Variants in DNAH7 observed in about 807,000 individuals in gnomAD.
The protein encoded by DNAH7 is axonemal beta dynein heavy chain 7.
Under a neutral mutation model 444.6 loss-of-function variants are expected in DNAH7, and 397 were observed. That is an observed-to-expected ratio of 0.89 (90% CI 0.82 to 0.97). The LOEUF is 0.97. DNAH7 is among the 50% of genes least tolerant of loss of function. The pLI, the probability that DNAH7 is intolerant of heterozygous loss-of-function variation, is 0.00. For synonymous variants in DNAH7, 1,636 were observed against 1,624.4 expected (o/e 1.01, Z -0.17); for missense variants, 4,902 against 4,800.8 (o/e 1.02, Z -0.62).
At chr2:195,987,619 G>T (rs1693009474) in intron 13 of DNAH7, among the ~76,000 whole-genome samples, 1 of 152,066 alleles carries the variant, frequency 6.6e-6, no homozygotes, top group African/African-American at 2.4e-5. Flanking sequence ...ATATTTTGGT[G>T]TAATTACCAT....
At chr2:195,767,426 C>CACCAG (rs1481686946) in intron 61 of DNAH7, among the ~76,000 whole-genome samples, 2 of 152,018 alleles carry the variant, frequency 1.3e-5, no homozygotes, top group African/African-American at 2.4e-5. Context: ...GTTCCATATA[C>CACCAG]ACCAGTTAGC....
At chr2:195,754,264 G>C in intron 63 of DNAH7, 73 bp downstream of exon 63, 2 of 1,424,394 alleles carry the variant, frequency 1.4e-6, no homozygotes, top group Non-Finnish European at 1.9e-6. Flanking sequence ...AACAGCTGAG[G>C]AAAGTATGCT....
intron 36 of DNAH7, among the ~76,000 whole-genome samples, chr2:195,877,807 TTTAAAA>T (rs1050096523): frequency 6.6e-6 from 1 of 152,202 alleles, no homozygotes; most frequent in Non-Finnish European, 1.5e-5. Flanking sequence ...CCTTTTTAAA[TTTAAAA>T]TTATTTTCCT....
intron 36 of DNAH7, among the ~76,000 whole-genome samples, chr2:195,880,330 C>CTTTTT (rs1042876508): frequency 4.4e-5 from 6 of 136,682 alleles, no homozygotes; most frequent in African/African-American, 1.6e-4. Context: ...CTTTCTTTTT[C>CTTTTT]TTTTTTTTTT....
At chr2:195,966,312 A>G (rs1691473382) in intron 17 of DNAH7, among the ~76,000 whole-genome samples, 3 of 152,158 alleles carry the variant, frequency 2.0e-5, no homozygotes, top group Admixed American at 6.5e-5. Flanking sequence ...GTCAGAGAAG[A>G]TGCTTGATAT....
chr2:195,894,600 T>TGTA (rs1702199015), intron 30 of DNAH7: 1 of 163,398 alleles, frequency 6.1e-6, no homozygotes, highest in Admixed American at 6.0e-5. Context: ...CACATTTCAG[T>TGTA]TCAATACCAC....
intron 15 of DNAH7, among the ~76,000 whole-genome samples, chr2:195,973,023 CG>C (rs1383789931): frequency 2.0e-5 from 3 of 152,120 alleles, no homozygotes; most frequent in Non-Finnish European, 2.9e-5. Flanking sequence ...GGGTAGTTCC[CG>C]TATCTTGGAG....
chr2:196,062,057 C>T (rs1698162170), intron 1 of DNAH7, among the ~76,000 whole-genome samples: 1 of 152,172 alleles, frequency 6.6e-6, no homozygotes, highest in African/African-American at 2.4e-5. Context: ...ACTTTCATGG[C>T]AACCCCTCTA....
chr2:196,019,401 T>C, intron 8 of DNAH7, 106 bp from the exon 9 acceptor site: 1 of 828,250 alleles, frequency 1.2e-6, no homozygotes, highest in South Asian at 4.9e-5. Context: ...ATGTGCTGTA[T>C]CCCTCATCAT....
At chr2:196,040,819 A>G (rs1311849523) in intron 5 of DNAH7, among the ~76,000 whole-genome samples, 3 of 152,076 alleles carry the variant, frequency 2.0e-5, no homozygotes, top group Admixed American at 2.0e-4. Context: ...TTAGAAAGAA[A>G]AAAAAGGACT....
intron 2 of DNAH7, among the ~76,000 whole-genome samples, chr2:196,056,048 G>GA (rs1697781513): frequency 3.3e-5 from 5 of 152,202 alleles, no homozygotes; most frequent in Admixed American, 3.3e-4. Context: ...ACATATGTCA[G>GA]AAAAATCATC....
intron 12 of DNAH7, among the ~76,000 whole-genome samples, chr2:195,998,407 C>T (rs898237383): frequency 6.6e-6 from 1 of 151,992 alleles, no homozygotes; most frequent in Non-Finnish European, 1.5e-5. Context: ...AACCCCATCT[C>T]TACTAAAAAT....
rs759392122 is a variant in DNAH7 at position 195,858,816 on chromosome 2, T to C, written c.7737-12A>G. On this transcript the variant is annotated splice_polypyrimidine_tract_variant and intron_variant, in intron 42 of 64. Coordinates refer to ENST00000312428, the MANE Select transcript of DNAH7 (RefSeq NM_018897.3). ...TTTTCATTACTTCACTGGAAGGAAA[T>C]AGATAAAACAAAGTTAATCATGAGG... is the stretch of plus-strand genomic sequence containing the variant. 16 of 1,585,904 alleles carry C rather than the reference T, an allele frequency of 1.0e-5. No individual in the cohort carries two copies. The highest frequency in any genetic ancestry group is 5.4e-5 in the Admixed American group (3 of 55,436).
chr2:195,906,759 ATCAGTAT>A lies in DNAH7; in HGVS notation c.4228_4234del (p.Ile1410CysfsTer7). 1 of 1,613,496 alleles carries A rather than the reference ATCAGTAT, an allele frequency of 6.2e-7. No homozygotes were observed. The highest frequency in any genetic ancestry group is 2.2e-5 in the East Asian group (1 of 44,872). On this transcript the variant is annotated frameshift_variant, in exon 27 of 65. Transcript: ENST00000312428. LOFTEE classifies it high-confidence loss of function. ...AAGTTTTAGTTCAGTTCCTTCAAAC[ATCAGTAT>A]ATCAGCACCTGCATTAATACCTGTA...
chr2:195,994,587 TC>T (rs1268626459), intron 12 of DNAH7: 16 of 490,698 alleles, frequency 3.3e-5, no homozygotes, highest in African/African-American at 3.2e-4. Flanking sequence ...TTCCATCTCT[TC>T]CGGACAGGAG....
chr2:196,028,083 T>A (rs375307387), intron 5 of DNAH7, 36 bp from the exon 6 acceptor site: 11 of 1,551,988 alleles, frequency 7.1e-6, no homozygotes, highest in African/African-American at 2.7e-5. Context: ...CAAAAGTAGA[T>A]AAGGGGCAGT....
chr2:195,973,771 C>A (rs1476595401), intron 15 of DNAH7, among the ~76,000 whole-genome samples: 1 of 151,994 alleles, frequency 6.6e-6, no homozygotes, highest in Non-Finnish European at 1.5e-5. Context: ...CGCGGCTGAC[C>A]CTTCCTTTGT....
At chr2:195,882,697 C>T (rs1701458894) in intron 35 of DNAH7, among the ~76,000 whole-genome samples, 1 of 152,230 alleles carries the variant, frequency 6.6e-6, no homozygotes, top group African/African-American at 2.4e-5. Flanking sequence ...TCAACAACAT[C>T]ATGATAACTC....
intron 58 of DNAH7, among the ~76,000 whole-genome samples, chr2:195,786,320 T>A (rs1323215206): frequency 6.6e-6 from 1 of 152,198 alleles, no homozygotes; most frequent in Non-Finnish European, 1.5e-5. Context: ...ACTTAGAGGA[T>A]TAACTTTCAG....
Sources: gnomAD v4.1 joint callset for allele counts (sites outside exome capture counted in the v4.1 genomes callset) on GRCh38, gnomAD v4.1.1 for gene constraint, MANE v1.5 for transcripts, NCBI Gene and HGNC (gene_info 2026-07-23, HGNC 2026-07-21) for gene names.